The following EPM2A variants were observed in gnomAD, a reference collection of about 807,000 sequenced individuals.
EPM2A encodes EPM2A glucan phosphatase, laforin, also known as laforin.
Under a neutral mutation model 26.5 loss-of-function variants are expected in EPM2A, and 21 were observed. The ratio of observed to expected loss-of-function variants is 0.79; its 90% CI spans 0.56 to 1.14. The LOEUF (loss-of-function observed/expected upper bound fraction) is 1.14, where lower values mean the gene tolerates loss of function less well. Among genes scored for constraint, EPM2A ranks in the 50% most tolerant of loss-of-function variants. EPM2A has a pLI of 0.00. For missense variants in EPM2A, 458 were observed against 440.8 expected (o/e 1.04, Z -0.35); for synonymous variants, 217 against 177.6 (o/e 1.22, Z -1.76).
At chr6:145,611,901 T>C (rs1278724999) in intron 2 of EPM2A, among the ~76,000 whole-genome samples, 1 of 152,166 alleles carries the variant, frequency 6.6e-6, no homozygotes, top group Admixed American at 6.5e-5. Context: ...AAGTTTTAGA[T>C]GCAGGGAAAC....
intron 2 of EPM2A, among the ~76,000 whole-genome samples, chr6:145,555,337 T>A (rs939406086): frequency 6.6e-6 from 1 of 152,052 alleles, no homozygotes; most frequent in African/African-American, 2.4e-5. Context: ...CCTTTGTGCA[T>A]ATGGCTTCCT....
intron 2 of EPM2A, among the ~76,000 whole-genome samples, chr6:145,553,549 G>A (rs140056568): frequency 6.6e-6 from 1 of 152,048 alleles, no homozygotes; most frequent in Non-Finnish European, 1.5e-5. Context: ...GGCACTGTTT[G>A]CTGCAGGGCC....
At chr6:145,637,016 C>T (rs1300073444) in intron 2 of EPM2A, 3 of 151,770 alleles carry the variant, frequency 2.0e-5, no homozygotes, top group Non-Finnish European at 2.9e-5. Context: ...CAACTCTAAC[C>T]TGTTGGTGTA....
intron 1 of EPM2A, among the ~76,000 whole-genome samples, chr6:145,716,290 G>A (rs1462076222): frequency 6.6e-6 from 1 of 152,088 alleles, no homozygotes; most frequent in Non-Finnish European, 1.5e-5. Flanking sequence ...TGAATTCTAT[G>A]GTATGTGAAT....
chr6:145,683,783 A>T (rs1379450670), intron 2 of EPM2A, among the ~76,000 whole-genome samples: 1 of 152,126 alleles, frequency 6.6e-6, no homozygotes, highest in Non-Finnish European at 1.5e-5. Flanking sequence ...GAAAGATAGG[A>T]TCTGCCCACC....
chr6:145,580,343 C>T (rs1005422965), intron 2 of EPM2A, among the ~76,000 whole-genome samples: 1 of 152,018 alleles, frequency 6.6e-6, no homozygotes, highest in African/African-American at 2.4e-5. Flanking sequence ...ATATTTAAAA[C>T]CATAAAGAAA....
intron 4 of EPM2A, among the ~76,000 whole-genome samples, chr6:145,485,370 A>C (rs1217390703): frequency 6.6e-6 from 1 of 152,110 alleles, no homozygotes; most frequent in Non-Finnish European, 1.5e-5. Context: ...CCATGAGATC[A>C]CTAGTGAAGT....
intron 4 of EPM2A, among the ~76,000 whole-genome samples, chr6:145,436,994 T>C (rs1459835122): frequency 2.0e-5 from 3 of 152,220 alleles, no homozygotes; most frequent in African/African-American, 7.2e-5. Context: ...TTCAGACATA[T>C]TTAAAATAGC....
At chr6:145,584,201 G>A (rs1004153675) in intron 2 of EPM2A, among the ~76,000 whole-genome samples, 12 of 152,112 alleles carry the variant, frequency 7.9e-5, no homozygotes, top group African/African-American at 2.9e-4. Context: ...GAGTGGGGAA[G>A]GCTGCAGGTG....
chr6:145,568,043 G>A (rs1780906665), intron 2 of EPM2A, among the ~76,000 whole-genome samples: 1 of 152,136 alleles, frequency 6.6e-6, no homozygotes, highest in Non-Finnish European at 1.5e-5. Context: ...GAATTTGACA[G>A]CATGAAGGAA....
intron 3 of EPM2A, among the ~76,000 whole-genome samples, chr6:145,634,934 G>C (rs2128562038): frequency 6.6e-6 from 1 of 152,154 alleles, no homozygotes; most frequent in South Asian, 2.1e-4. Flanking sequence ...CATCCCTATA[G>C]GACAATGCGC....
intron 4 of EPM2A, chr6:145,490,806 T>C (rs1229953264): frequency 1.0e-5 from 6 of 589,042 alleles, no homozygotes; most frequent in Admixed American, 2.0e-5. Context: ...TCTACCTGTA[T>C]GCTTGTAGGG....
chr6:145,638,145 C>G (rs577196725), intron 2 of EPM2A: 6 of 152,258 alleles, frequency 3.9e-5, no homozygotes, highest in African/African-American at 1.4e-4. Flanking sequence ...AAATACCACT[C>G]AGCATTTTCT....
In EPM2A at chr6:145,627,249, C is replaced by G. The variant is rs62438250; in HGVS notation, c.*167G>C. ...CTTGTAGAGTATTTCAAAAATACAG[C>G]CCCAAAACAAAGCATAATCGAAAGT... is the stretch of plus-strand genomic sequence containing the variant. On this transcript the variant is annotated 3_prime_UTR_variant, in exon 4 of 4. Transcript: ENST00000367519. The G allele has an allele frequency of 6.6e-7, 1 of 1,522,978 alleles. No individual in the cohort carries two copies. The highest frequency in any genetic ancestry group is 1.4e-5 in the African/African-American group (1 of 72,284). 94.3% of individuals were successfully genotyped at this position (1,522,978 alleles called of 1,614,324 possible). A position where few individuals can be genotyped will look rare whatever the true frequency, so the allele number is the denominator to read the frequency against.
chr6:145,431,880 G>A (rs1324136160), intron 4 of EPM2A, among the ~76,000 whole-genome samples: 3 of 152,104 alleles, frequency 2.0e-5, no homozygotes, highest in Non-Finnish European at 4.4e-5. Flanking sequence ...CCTTTCCAAC[G>A]CTGTCTTTGC....
chr6:145,609,647 G>A (rs1269491848), intron 2 of EPM2A, among the ~76,000 whole-genome samples: 1 of 152,138 alleles, frequency 6.6e-6, no homozygotes, highest in Non-Finnish European at 1.5e-5. Context: ...CACGTAATGT[G>A]AATCCCTGAA....
At chr6:145,569,854 CAT>C (rs3063869) in intron 2 of EPM2A, among the ~76,000 whole-genome samples, 1 of 150,896 alleles carries the variant, frequency 6.6e-6, no homozygotes, top group Non-Finnish European at 1.5e-5. Flanking sequence ...ATGGAATATA[CAT>C]ATATATATAT....
intron 2 of EPM2A, among the ~76,000 whole-genome samples, chr6:145,553,840 A>T (rs1436589252): frequency 6.8e-6 from 1 of 147,758 alleles, no homozygotes; most frequent in African/African-American, 2.5e-5. Context: ...TATATATAGT[A>T]ATATATATGT....
chr6:145,426,376 C>A (rs1222420257), intron 4 of EPM2A, among the ~76,000 whole-genome samples: 1 of 152,204 alleles, frequency 6.6e-6, no homozygotes, highest in Non-Finnish European at 1.5e-5. Context: ...CTCTCAAAAC[C>A]AGATTCGCAT....
Sources: allele counts gnomAD v4.1 joint callset (sites outside exome capture counted in the v4.1 genomes callset), GRCh38; gene constraint gnomAD v4.1.1; transcripts MANE v1.5; gene names NCBI Gene and HGNC (gene_info 2026-07-23, HGNC 2026-07-21).